The following CWF19L1 variants were observed in gnomAD, a reference collection of about 807,000 sequenced individuals.
The protein encoded by CWF19L1 is CWF19 like cell cycle control factor 1.
CWF19L1 carries 60 observed loss-of-function variants against 69.7 expected under a neutral mutation model. The ratio of observed to expected loss-of-function variants is 0.86; its 90% confidence interval spans 0.70 to 1.07. CWF19L1 has a LOEUF of 1.07. Ranked by LOEUF, CWF19L1 falls within the 50% of genes least tolerant of loss-of-function variation. The probability of loss-of-function intolerance (pLI) is 0.00; values close to 1 mark genes in which losing one functional copy is unlikely to be tolerated. For synonymous variants in CWF19L1, 209 were observed against 222.2 expected, an observed-to-expected ratio of 0.94 and a Z score of 0.53; for missense variants, 591 against 638.9, an observed-to-expected ratio of 0.92 and a Z score of 0.81.
chr10:100,262,137 T>G (rs1847423766), intron 1 of CWF19L1, 74 bp from the exon 2 acceptor site: 1 of 1,541,448 alleles, frequency 6.5e-7, no homozygotes, highest in African/African-American at 1.4e-5. Context: ...TATACTGGTC[T>G]TTTGGATTAG....
At chr10:100,236,138 G>T (rs1318711) in intron 12 of CWF19L1, among the ~76,000 whole-genome samples, 2 of 146,050 alleles carry the variant, frequency 1.4e-5, no homozygotes, top group African/African-American at 5.1e-5. Flanking sequence ...AGGGTCTTGC[G>T]ATGTTGCCCA....
intron 1 of CWF19L1, among the ~76,000 whole-genome samples, chr10:100,263,017 C>T (rs1387628025): frequency 6.6e-6 from 1 of 152,058 alleles, no homozygotes; most frequent in Non-Finnish European, 1.5e-5. Context: ...GCAACCTCCA[C>T]TCCACTCCAC....
At position 100,241,981 on chromosome 10, in the gene CWF19L1, C is replaced by T. The variant is rs11190434; in HGVS notation, c.1044+1717G>A. ...ATAGTGTTAAAAATTAAGTTTTCTTCATTCTAAATGAATGAAAAAGAACAA... is the reference window on the plus strand; with the variant it reads ...ATAGTGTTAAAAATTAAGTTTTCTTTATTCTAAATGAATGAAAAAGAACAA... On this transcript the variant is annotated intron_variant, in intron 10 of 13. Transcript: ENST00000354105. 1.2e-3 allele frequency among the ~76,000 whole-genome samples: 185 copies of T among 152,278 alleles called. 4 individuals carry two copies. In the East Asian group the frequency reaches 0.033, roughly 27 times the overall value.
At chr10:100,266,098 C>G (rs1211285561) in intron 1 of CWF19L1, among the ~76,000 whole-genome samples, 1 of 152,046 alleles carries the variant, frequency 6.6e-6, no homozygotes, top group Non-Finnish European at 1.5e-5. Flanking sequence ...CTCGGGAAGC[C>G]TTCTTGACTC....
chr10:100,246,357 C>A (rs1846819137), intron 8 of CWF19L1, among the ~76,000 whole-genome samples: 1 of 152,188 alleles, frequency 6.6e-6, no homozygotes. Flanking sequence ...GGGAACTTGA[C>A]ATTCCTTGCT....
intron 6 of CWF19L1, 121 bp from the exon 7 acceptor site, chr10:100,250,453 T>C: frequency 1.5e-6 from 1 of 664,740 alleles, no homozygotes; most frequent in Non-Finnish European, 2.7e-6. Context: ...TCATCGCCAG[T>C]CAAATGATTT....
chr10:100,248,613 G>T, intron 7 of CWF19L1: 1 of 746,310 alleles, frequency 1.3e-6, no homozygotes, highest in South Asian at 1.4e-5. Context: ...AGCGTGTGCT[G>T]CTGTCCATCA....
At position 100,243,748 on chromosome 10, in the gene CWF19L1, G is replaced by C; in HGVS notation, c.994C>G (p.Leu332Val). The C allele has an allele frequency of 6.2e-7, 1 of 1,614,156 alleles. No homozygotes were observed. The change falls in exon 10 of 14, where the codon CTT becomes GTT. Residue 332 changes from leucine (L) to valine (V), a missense_variant. Around this residue, in one of 3 missense-constraint regions of CWF19L1, gnomAD observed 458 missense variants for 489.3 expected, o/e 0.94. Transcript: ENST00000354105. Reference sequence around the variant, plus strand: ...TGTTTTTCCACTTCAGGGCTAGCAAGGCAAAACCAGCAGGGTCCTGGAGGC... The same window carrying C: ...TGTTTTTCCACTTCAGGGCTAGCAACGCAAAACCAGCAGGGTCCTGGAGGC... ...PQPPGPCWFC[L>V]ASPEVEKHLV... is the part of the protein sequence containing the mutation.
At chr10:100,266,361 G>A (rs1264494887) in intron 1 of CWF19L1, among the ~76,000 whole-genome samples, 2 of 137,628 alleles carry the variant, frequency 1.5e-5, no homozygotes, top group South Asian at 2.3e-4. Flanking sequence ...TTTTTTTTCT[G>A]TATTTTTTGT....
chr10:100,237,003 G>A (rs1286865718), intron 11 of CWF19L1, 34 bp from the exon 12 acceptor site: 6 of 1,546,224 alleles, frequency 3.9e-6, no homozygotes, highest in Non-Finnish European at 5.2e-6. Flanking sequence ...AATTCCTTGT[G>A]CAGGTCCCAG....
Position 100,243,121 on chromosome 10 carries a change from C to A in CWF19L1, c.1044+577G>T, listed in dbSNP as rs559281429. Among the ~76,000 whole-genome samples, 9 of 152,264 alleles carry A rather than the reference C, an allele frequency of 5.9e-5. No individual in the cohort carries two copies. In the South Asian group the frequency reaches 1.4e-3, roughly 25 times the overall value. ...CTAGCAAATCCATTCCTAGGTCTAT[C>A]CAAAATATAGACCATTCCTAGGTCT... On this transcript the variant is annotated intron_variant, in intron 10 of 13. Coordinates refer to ENST00000354105, the MANE Select transcript of CWF19L1 (RefSeq NM_018294.6).
intron 7 of CWF19L1, among the ~76,000 whole-genome samples, chr10:100,249,930 T>C (rs1284751270): frequency 2.0e-5 from 3 of 152,330 alleles, no homozygotes; most frequent in Non-Finnish European, 4.4e-5. Context: ...GCTAAAGAAG[T>C]AAGCAAGCAT....
chr10:100,235,615 C>T (rs1846406878), intron 13 of CWF19L1, 52 bp downstream of exon 13: 1 of 1,289,598 alleles, frequency 7.8e-7, no homozygotes. Context: ...TAGCCCACCA[C>T]TCTGTTCATA....
chr10:100,233,481 G>T, intron 13 of CWF19L1, 110 bp from the exon 14 acceptor site: 2 of 1,039,506 alleles, frequency 1.9e-6, no homozygotes, highest in Non-Finnish European at 2.8e-6. Flanking sequence ...CCTGCCCTGA[G>T]TGCCATCTCT....
chr10:100,244,118 T>C (rs567971455), intron 9 of CWF19L1, among the ~76,000 whole-genome samples: 3 of 152,320 alleles, frequency 2.0e-5, no homozygotes, highest in Admixed American at 6.5e-5. Context: ...CCATTAGCCA[T>C]GACCCTGGAA....
intron 4 of CWF19L1, among the ~76,000 whole-genome samples, chr10:100,256,920 A>G (rs188058109): frequency 6.6e-6 from 1 of 152,338 alleles, no homozygotes; most frequent in African/African-American, 2.4e-5. Flanking sequence ...CATCCCTACT[A>G]AAATACAAAA....
chr10:100,239,675 G>C (rs1256514301), intron 10 of CWF19L1, among the ~76,000 whole-genome samples: 1 of 152,152 alleles, frequency 6.6e-6, no homozygotes, highest in Non-Finnish European at 1.5e-5. Context: ...TATGCTCTTA[G>C]TGTGGTGGGC....
Position 100,239,108 on chromosome 10 carries a change from T to C in CWF19L1, c.1045-877A>G, listed in dbSNP as rs116403001. ...AAATTCTACAAAACAAAAGCAAACA[T>C]ACAACCTAATGGGGTAGAAGGAAAG... On this transcript the variant is annotated intron_variant, in intron 10 of 13. Coordinates refer to ENST00000354105, the MANE Select transcript of CWF19L1 (RefSeq NM_018294.6). 3.1e-3 allele frequency among the ~76,000 whole-genome samples: 443 copies of C among 143,316 alleles called. 2 individuals carry two copies. The highest frequency in any genetic ancestry group is 0.011 in the African/African-American group (430 of 38,710). The allele number at this position is 143,316 out of a possible 152,430, so 94.0% of individuals were successfully genotyped here.
chr10:100,241,077 C>G (rs991499737), intron 10 of CWF19L1, among the ~76,000 whole-genome samples: 3 of 126,260 alleles, frequency 2.4e-5, no homozygotes, highest in African/African-American at 9.0e-5. Flanking sequence ...GTGGCGCGAT[C>G]TTGGCCTGCA....
Sources: gnomAD v4.1 joint callset for allele counts (sites outside exome capture counted in the v4.1 genomes callset) on GRCh38, gnomAD v4.1.1 for gene constraint, gnomAD v4.1.1 regional missense constraint, MANE v1.5 for transcripts, NCBI Gene and HGNC (gene_info 2026-07-23, HGNC 2026-07-21) for gene names.